The following GRM5 variants were observed in gnomAD, a reference collection of about 807,000 sequenced individuals.
GRM5 encodes glutamate metabotropic receptor 5.
Under a neutral mutation model 83.1 loss-of-function variants are expected in GRM5, and 19 were observed. That is an observed-to-expected ratio of 0.23 (90% CI 0.16 to 0.34). The LOEUF (loss-of-function observed/expected upper bound fraction) is 0.34, where lower values mean the gene tolerates loss of function less well. Among genes scored for constraint, GRM5 ranks in the 10% least tolerant of loss-of-function variants. The probability of loss-of-function intolerance (pLI) is 1.00; values close to 1 mark genes in which losing one functional copy is unlikely to be tolerated. For missense variants in GRM5, 1,160 were observed against 1,588.3 expected (o/e 0.73, Z 4.58); for synonymous variants, 675 against 633.6 (o/e 1.07, Z -0.98).
intron 2 of GRM5, among the ~76,000 whole-genome samples, chr11:88,903,172 G>A (rs1400168072): frequency 6.6e-6 from 1 of 152,064 alleles, no homozygotes; most frequent in Non-Finnish European, 1.5e-5. Context: ...AGGCCCTGAG[G>A]CTAGAGGGTT....
intron 2 of GRM5, among the ~76,000 whole-genome samples, chr11:88,904,834 C>CATG (rs756256522): frequency 6.6e-6 from 1 of 152,050 alleles, no homozygotes; most frequent in East Asian, 1.9e-4. Context: ...TAGGGAATAC[C>CATG]ATTCAATTCA....
chr11:88,741,710 T>C (rs1942033556), intron 3 of GRM5, among the ~76,000 whole-genome samples: 1 of 151,758 alleles, frequency 6.6e-6, no homozygotes. Flanking sequence ...TATACTATAC[T>C]AATCTATACT....
At chr11:88,532,997 T>C (rs1942048715) in intron 8 of GRM5, among the ~76,000 whole-genome samples, 1 of 152,166 alleles carries the variant, frequency 6.6e-6, no homozygotes. Flanking sequence ...TTTCTCAAAC[T>C]GGTTCTGCTT....
intron 3 of GRM5, among the ~76,000 whole-genome samples, chr11:88,692,191 T>C (rs560945392): frequency 2.0e-5 from 3 of 152,330 alleles, no homozygotes; most frequent in Admixed American, 2.0e-4. Flanking sequence ...TTAGCTCCCT[T>C]ACCTTATTAT....
intron 3 of GRM5, among the ~76,000 whole-genome samples, chr11:88,716,532 T>C (rs1941403836): frequency 6.6e-6 from 1 of 152,004 alleles, no homozygotes; most frequent in Admixed American, 6.6e-5. Flanking sequence ...TGTGGGTGAT[T>C]TGTATTGACT....
In GRM5 at chr11:88,939,369, C is replaced by T. The variant is rs143775684; in HGVS notation, c.662-89214G>A. 2.2e-4 allele frequency among the ~76,000 whole-genome samples: 33 copies of T among 151,612 alleles called. No individual in the cohort carries two copies. In the East Asian group the frequency reaches 6.4e-3, roughly 29 times the overall value. On this transcript the variant is annotated intron_variant, in intron 2 of 9. Coordinates refer to ENST00000305447, the MANE Select transcript of GRM5 (RefSeq NM_001143831.3). ...CACATTAATCATATTTTCATGAAACCCAAACATACCAGATGCACCAACATT... is the reference window on the plus strand; with the variant it reads ...CACATTAATCATATTTTCATGAAACTCAAACATACCAGATGCACCAACATT...
At chr11:88,600,391 T>C (rs1485783428) in intron 5 of GRM5, among the ~76,000 whole-genome samples, 1 of 150,788 alleles carries the variant, frequency 6.6e-6, no homozygotes, top group Non-Finnish European at 1.5e-5. Context: ...TGAAATGTTT[T>C]TCTCAGCACA....
At chr11:88,823,444 G>A (rs991773694) in intron 3 of GRM5, among the ~76,000 whole-genome samples, 5 of 151,750 alleles carry the variant, frequency 3.3e-5, no homozygotes, top group African/African-American at 1.2e-4. Context: ...CTGGTTTTGT[G>A]CTCTGTCTTC....
intron 3 of GRM5, among the ~76,000 whole-genome samples, chr11:88,711,858 CAGAGAG>C (rs143368187): frequency 6.6e-6 from 1 of 151,206 alleles, no homozygotes; most frequent in African/African-American, 2.4e-5. Context: ...GAGAGAGAGA[CAGAGAG>C]AGAGAGAAAG....
At chr11:88,823,144 T>C (rs1943831295) in intron 3 of GRM5, among the ~76,000 whole-genome samples, 1 of 151,828 alleles carries the variant, frequency 6.6e-6, no homozygotes, top group African/African-American at 2.4e-5. Flanking sequence ...TTTTTAGATA[T>C]TTCCTCGATT....
At chr11:88,819,380 G>A (rs886481760) in intron 3 of GRM5, among the ~76,000 whole-genome samples, 1 of 152,134 alleles carries the variant, frequency 6.6e-6, no homozygotes, top group African/African-American at 2.4e-5. Flanking sequence ...TTTTTCAGTT[G>A]CTATTAATAA....
intron 3 of GRM5, among the ~76,000 whole-genome samples, chr11:88,725,496 A>G (rs1941656216): frequency 6.6e-6 from 1 of 152,176 alleles, no homozygotes; most frequent in African/African-American, 2.4e-5. Flanking sequence ...CCAGCTGTGA[A>G]TAGAGCAGTG....
At chr11:88,609,105 A>G (rs930618630) in intron 4 of GRM5, among the ~76,000 whole-genome samples, 1 of 152,192 alleles carries the variant, frequency 6.6e-6, no homozygotes, top group Non-Finnish European at 1.5e-5. Context: ...GATAGTGACC[A>G]TAGTTCCTGA....
intron 8 of GRM5, among the ~76,000 whole-genome samples, chr11:88,544,739 A>G (rs1015329264): frequency 6.6e-6 from 1 of 152,236 alleles, no homozygotes; most frequent in East Asian, 1.9e-4. Context: ...ATTTAGGAAC[A>G]TTAAACTTGG....
chr11:89,000,204 G>A (rs1403179127), intron 2 of GRM5, among the ~76,000 whole-genome samples: 2 of 151,990 alleles, frequency 1.3e-5, no homozygotes, highest in East Asian at 3.9e-4. Flanking sequence ...AAACCTGCAT[G>A]TTGTGCACAC....
At chr11:88,621,896 G>C (rs1247607047) in intron 4 of GRM5, among the ~76,000 whole-genome samples, 1 of 152,088 alleles carries the variant, frequency 6.6e-6, no homozygotes, top group Admixed American at 6.6e-5. Context: ...TTCACATATT[G>C]CACACATGAG....
Position 88,984,465 on chromosome 11 carries a change from C to T in GRM5, c.661+62747G>A, listed in dbSNP as rs1939630701. 2.0e-5 allele frequency among the ~76,000 whole-genome samples: 3 copies of T among 152,116 alleles called. No individual in the cohort carries two copies. In the South Asian group the frequency reaches 6.2e-4, roughly 31 times the overall value. Reference sequence around the variant, plus strand: ...TATCCCATCTAGGTTTATGTAAGTACACTCTATGATGTTCACAGGATGAAA... The same window carrying T: ...TATCCCATCTAGGTTTATGTAAGTATACTCTATGATGTTCACAGGATGAAA... On this transcript the variant is annotated intron_variant, in intron 2 of 9. Coordinates refer to ENST00000305447, the MANE Select transcript of GRM5 (RefSeq NM_001143831.3).
At chr11:88,568,910 C>T (rs1942927901) in intron 7 of GRM5, among the ~76,000 whole-genome samples, 1 of 152,116 alleles carries the variant, frequency 6.6e-6, no homozygotes, top group African/African-American at 2.4e-5. Context: ...GGAAGTGCAC[C>T]ACTCTCAAAA....
At position 88,766,466 on chromosome 11, in the gene GRM5, A is replaced by G. The variant is rs969270245; in HGVS notation, c.911+83440T>C. Among the ~76,000 whole-genome samples the G allele has an allele frequency of 2.6e-5, 4 of 151,862 alleles. No homozygotes were observed. In the South Asian group the frequency reaches 6.2e-4, roughly 24 times the overall value. ...AAAGAAGCAATGGGGAATGAACTCT[A>G]TTCACTTAATGGTACTGGGATAGCT... is the stretch of plus-strand genomic sequence containing the variant. On this transcript the variant is annotated intron_variant, in intron 3 of 9. Coordinates refer to ENST00000305447, the MANE Select transcript of GRM5 (RefSeq NM_001143831.3).
Sources: gnomAD v4.1 joint callset for allele counts (sites outside exome capture counted in the v4.1 genomes callset) on GRCh38, gnomAD v4.1.1 for gene constraint, MANE v1.5 for transcripts, NCBI Gene and HGNC (gene_info 2026-07-23, HGNC 2026-07-21) for gene names.